The following PSME4 variants were observed in gnomAD, a reference collection of about 807,000 sequenced individuals.
PSME4 encodes proteasome activator complex subunit 4.
PSME4 carries 89 observed loss-of-function variants against 253.9 expected under a neutral mutation model. The observed-to-expected ratio is 0.35, with a 90% CI of 0.30 to 0.42. The LOEUF is 0.42. Ranked by LOEUF, PSME4 falls within the 10% of genes least tolerant of loss-of-function variation. PSME4 has a pLI of 1.00. For missense variants in PSME4, 2,014 were observed against 2,195.2 expected (o/e 0.92, Z 1.65); for synonymous variants, 851 against 759.2 (o/e 1.12, Z -1.99).
intron 20 of PSME4, among the ~76,000 whole-genome samples, chr2:53,917,479 T>C (rs1166656821): frequency 1.3e-5 from 2 of 152,306 alleles, no homozygotes; most frequent in African/African-American, 2.4e-5. Context: ...ACTATTACAG[T>C]GTACATGGCA....
At chr2:53,922,725 T>C in intron 16 of PSME4, 141 bp from the exon 17 acceptor site, 2 of 1,121,470 alleles carry the variant, frequency 1.8e-6, no homozygotes, top group Admixed American at 6.4e-5. Context: ...TTCATGAAGC[T>C]GAGCTTGTTC....
intron 1 of PSME4, among the ~76,000 whole-genome samples, chr2:53,965,670 G>GC (rs763967437): frequency 3.6e-5 from 5 of 139,312 alleles, no homozygotes; most frequent in Admixed American, 7.2e-5. Context: ...GTGTTTTTTT[G>GC]TTTTTTTTTT....
intron 1 of PSME4, among the ~76,000 whole-genome samples, chr2:53,963,378 G>A (rs1670576518): frequency 6.6e-6 from 1 of 151,952 alleles, no homozygotes; most frequent in Non-Finnish European, 1.5e-5. Flanking sequence ...ACTTCCAGAG[G>A]GCAGAAAACT....
chr2:53,945,478 GAC>G (rs1275403452), intron 3 of PSME4, among the ~76,000 whole-genome samples: 2 of 152,106 alleles, frequency 1.3e-5, no homozygotes, highest in Non-Finnish European at 2.9e-5. Flanking sequence ...GAGGCAAAAA[GAC>G]AGACAGAAAG....
intron 3 of PSME4, among the ~76,000 whole-genome samples, chr2:53,944,499 T>C (rs1251309658): frequency 5.3e-5 from 8 of 152,174 alleles, no homozygotes; most frequent in Admixed American, 5.2e-4. Context: ...TAAAAGAATA[T>C]TTTTTAAATA....
chr2:53,922,085 T>C (rs1173241684), intron 17 of PSME4, among the ~76,000 whole-genome samples: 1 of 151,768 alleles, frequency 6.6e-6, no homozygotes, highest in African/African-American at 2.4e-5. Context: ...GGCAGGAGAA[T>C]GGCGTGAAGC....
At chr2:53,905,318 C>A (rs1680604633) in intron 26 of PSME4, among the ~76,000 whole-genome samples, 1 of 151,870 alleles carries the variant, frequency 6.6e-6, no homozygotes, top group Non-Finnish European at 1.5e-5. Flanking sequence ...GCATAAGCCA[C>A]CACACCCGGC....
intron 43 of PSME4, 100 bp from the exon 44 acceptor site, chr2:53,869,638 A>C: frequency 4.3e-6 from 4 of 937,926 alleles, no homozygotes; most frequent in Non-Finnish European, 6.0e-6. Context: ...ACCTTCCCTG[A>C]AATTGCATGC....
intron 27 of PSME4, among the ~76,000 whole-genome samples, chr2:53,903,080 T>G (rs756244974): frequency 6.6e-6 from 1 of 152,000 alleles, no homozygotes; most frequent in Non-Finnish European, 1.5e-5. Flanking sequence ...TCTAAAGGAG[T>G]TTCTCAACAT....
chr2:53,910,961 A>G (rs938105921), intron 20 of PSME4, among the ~76,000 whole-genome samples: 18 of 152,348 alleles, frequency 1.2e-4, no homozygotes, highest in African/African-American at 4.3e-4. Flanking sequence ...ATAAACAGCA[A>G]TCTTATTATT....
At chr2:53,898,042 C>A (rs1270395350) in intron 30 of PSME4, 43 bp from the exon 31 acceptor site, 3 of 1,569,920 alleles carry the variant, frequency 1.9e-6, no homozygotes, top group African/African-American at 1.4e-5. Context: ...CACATAAAAC[C>A]ACTTGGAAAA....
intron 26 of PSME4, among the ~76,000 whole-genome samples, chr2:53,905,208 T>C (rs1239530253): frequency 2.0e-5 from 3 of 151,428 alleles, no homozygotes; most frequent in Non-Finnish European, 4.4e-5. Context: ...TTTTGTATTT[T>C]TAGTAGGGAG....
chr2:53,908,486 G>GC (rs1558672167), intron 23 of PSME4, 24 bp downstream of exon 23: 1 of 1,609,374 alleles, frequency 6.2e-7, no homozygotes. Flanking sequence ...TAATCATTAT[G>GC]CAACTATCAA....
At chr2:53,903,698 A>C (rs6756424) in intron 27 of PSME4, among the ~76,000 whole-genome samples, 18,715 of 152,168 alleles carry the variant, frequency 0.12, 1,972 homozygotes, top group African/African-American at 0.29. Flanking sequence ...CTCAAGTTAA[A>C]CAATTATTTT....
At chr2:53,948,998 G>A (rs967415492) in intron 2 of PSME4, 145 bp downstream of exon 2, 7 of 1,153,640 alleles carry the variant, frequency 6.1e-6, no homozygotes, top group Middle Eastern at 2.1e-4. Flanking sequence ...CACATTTGAT[G>A]AAAATTAAGA....
chr2:53,937,275 G>T, intron 5 of PSME4, 116 bp downstream of exon 5: 1 of 1,005,244 alleles, frequency 9.9e-7, no homozygotes, highest in Non-Finnish European at 1.4e-6. Context: ...TAAACTTGAA[G>T]TACAATAATG....
chr2:53,946,839 AG>A (rs1426205377), intron 3 of PSME4, among the ~76,000 whole-genome samples: 1 of 151,862 alleles, frequency 6.6e-6, no homozygotes, highest in Non-Finnish European at 1.5e-5. Flanking sequence ...GCTTGAGCCC[AG>A]GAGGTCAAGG....
At chr2:53,932,902 A>G (rs1394661037) in intron 8 of PSME4, 142 bp from the exon 9 acceptor site, 5 of 615,434 alleles carry the variant, frequency 8.1e-6, no homozygotes, top group Non-Finnish European at 1.4e-5. Context: ...TTTAAATAAG[A>G]GTCAAAAACA....
At chr2:53,938,473 G>C (rs1669229405) in intron 4 of PSME4, among the ~76,000 whole-genome samples, 1 of 148,746 alleles carries the variant, frequency 6.7e-6, no homozygotes, top group Non-Finnish European at 1.5e-5. Flanking sequence ...ACCTTAATGG[G>C]CTTTTTTTTT....
Sources: allele counts gnomAD v4.1 joint callset (sites outside exome capture counted in the v4.1 genomes callset), GRCh38; gene constraint gnomAD v4.1.1; transcripts MANE v1.5; gene names NCBI Gene and HGNC (gene_info 2026-07-23, HGNC 2026-07-21).